Variants in FAM117B observed in about 807,000 individuals in gnomAD.
FAM117B encodes the protein family with sequence similarity 117 member B, also known as protein FAM117B.
In FAM117B, 22 loss-of-function variants were observed where a neutral mutation model predicts 52.8. The ratio of observed to expected loss-of-function variants is 0.42; its 90% CI spans 0.30 to 0.59. The LOEUF (loss-of-function observed/expected upper bound fraction) is 0.59. Ranked by LOEUF, FAM117B falls within the 20% of genes least tolerant of loss-of-function variation. The pLI is 0.22. For missense variants in FAM117B, 678 were observed against 802.6 expected, an observed-to-expected ratio of 0.84 and a Z score of 1.88; for synonymous variants, 309 against 324.1, an observed-to-expected ratio of 0.95 and a Z score of 0.50.
At chr2:202,676,173 G>T (rs1690376471) in intron 1 of FAM117B, among the ~76,000 whole-genome samples, 1 of 151,894 alleles carries the variant, frequency 6.6e-6, no homozygotes, top group South Asian at 2.1e-4. Flanking sequence ...AGTGTCTGTG[G>T]CCAACAACAG....
intron 1 of FAM117B, among the ~76,000 whole-genome samples, chr2:202,669,425 A>G (rs1690257609): frequency 6.6e-6 from 1 of 152,172 alleles, no homozygotes; most frequent in South Asian, 2.1e-4. Flanking sequence ...TGTTTTTATT[A>G]CCTGAGTGCA....
intron 1 of FAM117B, among the ~76,000 whole-genome samples, chr2:202,665,806 G>T (rs1466791202): frequency 6.6e-6 from 1 of 152,134 alleles, no homozygotes; most frequent in Non-Finnish European, 1.5e-5. Context: ...TCACCATGTT[G>T]ACCAGGCCGG....
chr2:202,745,279 C>CAAAAAAAAAA (rs199723740), intron 4 of FAM117B, among the ~76,000 whole-genome samples: 1 of 115,546 alleles, frequency 8.7e-6, no homozygotes. Context: ...GACTCTGTGT[C>CAAAAAAAAAA]AAAAAAAAAA....
intron 1 of FAM117B, among the ~76,000 whole-genome samples, chr2:202,677,290 T>A (rs1044923513): frequency 1.3e-5 from 2 of 151,930 alleles, no homozygotes; most frequent in Admixed American, 1.3e-4. Context: ...ATGGTCTCGA[T>A]CTCCTGACCT....
Position 202,655,751 on chromosome 2 carries a change from AGAG to A in FAM117B, c.601+19964_601+19966del, listed in dbSNP as rs1559095439. 3.0e-5 allele frequency among the ~76,000 whole-genome samples: 4 copies of A among 132,156 alleles called. No individual in the cohort carries two copies. The East Asian group carries it at 8.0e-4, about 26-fold the overall frequency. 86.7% of individuals were successfully genotyped at this position (132,156 alleles called of 152,430 possible). On this transcript the variant is annotated intron_variant, in intron 1 of 7. Transcript: ENST00000392238. Reference sequence around the variant, plus strand: ...GAGAGAGAGAGAGAGAGAGAGAGAGAGAGAGAGAGAGTGTGTGTGTGTGTGTGT... The same window carrying A: ...GAGAGAGAGAGAGAGAGAGAGAGAGAAGAGAGAGTGTGTGTGTGTGTGTGT...
At chr2:202,734,780 A>G (rs1691414073) in intron 4 of FAM117B, among the ~76,000 whole-genome samples, 1 of 152,240 alleles carries the variant, frequency 6.6e-6, no homozygotes, top group Non-Finnish European at 1.5e-5. Context: ...GGAGCACCTA[A>G]ATGTAAAAGA....
At chr2:202,683,839 A>C (rs1193551751) in intron 1 of FAM117B, among the ~76,000 whole-genome samples, 1 of 152,140 alleles carries the variant, frequency 6.6e-6, no homozygotes, top group Non-Finnish European at 1.5e-5. Flanking sequence ...CCACACAGAC[A>C]TTGTAAGAAA....
chr2:202,713,231 T>C (rs758460917), intron 2 of FAM117B, among the ~76,000 whole-genome samples: 26 of 152,214 alleles, frequency 1.7e-4, no homozygotes, highest in Non-Finnish European at 3.2e-4. Context: ...GTTCAGGTTT[T>C]GGATTTATTC....
At chr2:202,743,986 T>C (rs1371873942) in intron 4 of FAM117B, among the ~76,000 whole-genome samples, 1 of 152,202 alleles carries the variant, frequency 6.6e-6, no homozygotes, top group Non-Finnish European at 1.5e-5. Flanking sequence ...TCCCTCAGTC[T>C]TACAAGAGAT....
At chr2:202,662,167 T>G (rs1574546021) in intron 1 of FAM117B, among the ~76,000 whole-genome samples, 2 of 151,878 alleles carry the variant, frequency 1.3e-5, no homozygotes, top group Non-Finnish European at 2.9e-5. Flanking sequence ...TGTGTACGTG[T>G]ACAGACTGGT....
chr2:202,706,088 A>G (rs990635253), intron 2 of FAM117B, among the ~76,000 whole-genome samples: 1 of 152,018 alleles, frequency 6.6e-6, no homozygotes, highest in African/African-American at 2.4e-5. Context: ...CACAGGCATA[A>G]TCACCGTGCA....
At chr2:202,715,073 G>C (rs180769326) in intron 2 of FAM117B, among the ~76,000 whole-genome samples, 13 of 151,826 alleles carry the variant, frequency 8.6e-5, no homozygotes, top group East Asian at 2.0e-4. Context: ...GGGTGGTGGC[G>C]GGGCAGAGGG....
intron 1 of FAM117B, among the ~76,000 whole-genome samples, chr2:202,678,834 A>G (rs1690419099): frequency 6.6e-6 from 1 of 152,098 alleles, no homozygotes; most frequent in South Asian, 2.1e-4. Flanking sequence ...TTGGGATTAC[A>G]CGTGTGAGCC....
At position 202,644,070 on chromosome 2, in the gene FAM117B, T is replaced by G. The variant is rs1021191291; in HGVS notation, c.601+8282T>G. Among the ~76,000 whole-genome samples the G allele has an allele frequency of 7.9e-4, 115 of 145,992 alleles. 1 individual carries two copies. Among genetic ancestry groups the G allele is most frequent in the Non-Finnish European group, 1.1e-3 (76 of 66,754 alleles). On this transcript the variant is annotated intron_variant, in intron 1 of 7. Transcript: ENST00000392238. ...TAGGAGCTGTTTTTTTTTTGTTTTT[T>G]TTTTTTTTTTTTTTCAGTTTTATGT...
intron 1 of FAM117B, among the ~76,000 whole-genome samples, chr2:202,674,540 G>A (rs374255792): frequency 6.0e-4 from 92 of 152,316 alleles, no homozygotes; most frequent in African/African-American, 2.2e-3. Context: ...ATAGCACAGA[G>A]GTGCAGAGAA....
At chr2:202,673,439 T>TG (rs1690330436) in intron 1 of FAM117B, among the ~76,000 whole-genome samples, 1 of 77,074 alleles carries the variant, frequency 1.3e-5, no homozygotes, top group Admixed American at 1.4e-4. Flanking sequence ...TTCTGTTTTT[T>TG]TTTTTTTTTT....
intron 1 of FAM117B, among the ~76,000 whole-genome samples, chr2:202,678,296 G>A (rs887582115): frequency 6.6e-6 from 1 of 152,168 alleles, no homozygotes; most frequent in Non-Finnish European, 1.5e-5. Flanking sequence ...GAAACCCTGT[G>A]TGCGGTAGAA....
intron 1 of FAM117B, among the ~76,000 whole-genome samples, chr2:202,674,484 C>CT (rs1442167086): frequency 1.3e-5 from 2 of 152,298 alleles, no homozygotes; most frequent in South Asian, 2.1e-4. Context: ...ATTCCATACT[C>CT]TATCTACTCT....
At chr2:202,699,966 G>T (rs1690772998) in intron 2 of FAM117B, among the ~76,000 whole-genome samples, 1 of 152,154 alleles carries the variant, frequency 6.6e-6, no homozygotes, top group African/African-American at 2.4e-5. Flanking sequence ...GATCTTTGAT[G>T]TTACTGTTAA....
Sources: gnomAD v4.1 joint callset for allele counts (sites outside exome capture counted in the v4.1 genomes callset) on GRCh38, gnomAD v4.1.1 for gene constraint, MANE v1.5 for transcripts, NCBI Gene and HGNC (gene_info 2026-07-23, HGNC 2026-07-21) for gene names.